The following TMEM50A variants were observed in gnomAD, a reference collection of about 807,000 sequenced individuals.
TMEM50A encodes cervical cancer oncogene 9.
TMEM50A carries 8 observed loss-of-function variants against 23.9 expected under a neutral mutation model. The ratio of observed to expected loss-of-function variants is 0.33; its 90% CI spans 0.20 to 0.60. The LOEUF (loss-of-function observed/expected upper bound fraction) is 0.60, where lower values mean the gene tolerates loss of function less well. Ranked by LOEUF, TMEM50A falls within the 20% of genes least tolerant of loss-of-function variation. The pLI is 0.81. For synonymous variants in TMEM50A, 55 were observed against 60.4 expected (o/e 0.91, Z 0.41); for missense variants, 178 against 192.7 (o/e 0.92, Z 0.45).
chr1:25,351,800 C>T, intron 4 of TMEM50A, 107 bp downstream of exon 4: 1 of 913,730 alleles, frequency 1.1e-6, no homozygotes, highest in Non-Finnish European at 1.6e-6. Flanking sequence ...CTGTGAGTAA[C>T]AGCTTATTAT....
Position 25,360,791 on chromosome 1 carries a change from T to G in TMEM50A, c.*86T>G. On this transcript the variant is annotated 3_prime_UTR_variant, in exon 7 of 7. Coordinates refer to ENST00000374358, the MANE Select transcript of TMEM50A (RefSeq NM_014313.4). ...CACTCCCAACCTTTTGTAATGCCAT[T>G]TTCTAAACTTATTTCTGAGTGTAGT... 2 of 1,416,756 alleles carry G rather than the reference T, an allele frequency of 1.4e-6. No homozygotes were observed. Among genetic ancestry groups the G allele is most frequent in the South Asian group, 1.2e-5 (1 of 83,564 alleles). 87.8% of individuals were successfully genotyped at this position (1,416,756 alleles called of 1,614,324 possible).
chr1:25,353,124 G>A, intron 5 of TMEM50A, 150 bp downstream of exon 5: 1 of 621,524 alleles, frequency 1.6e-6, no homozygotes, highest in South Asian at 2.2e-5. Flanking sequence ...TCCACCGACA[G>A]TGTTTGGTTT....
chr1:25,354,041 G>A (rs567437036), intron 5 of TMEM50A, among the ~76,000 whole-genome samples: 2 of 151,782 alleles, frequency 1.3e-5, no homozygotes, highest in Non-Finnish European at 2.9e-5. Context: ...ACCCAGGCTG[G>A]AATGCAGTGG....
At chr1:25,354,365 C>A (rs1198370016) in intron 5 of TMEM50A, among the ~76,000 whole-genome samples, 1 of 152,136 alleles carries the variant, frequency 6.6e-6, no homozygotes, top group Non-Finnish European at 1.5e-5. Context: ...GTAATCCCAG[C>A]ACTTCAGGAG....
chr1:25,351,747 T>A (rs3093616), intron 4 of TMEM50A, 54 bp downstream of exon 4: 1,455,906 of 1,471,870 alleles, frequency 0.99, 721,280 homozygotes, highest in East Asian at 1. Context: ...TTAAGATGAG[T>A]ATTTCACATG....
intron 3 of TMEM50A, among the ~76,000 whole-genome samples, chr1:25,351,367 G>T (rs185609827): frequency 1.3e-5 from 2 of 152,020 alleles, no homozygotes; most frequent in Admixed American, 1.3e-4. Flanking sequence ...AAATTAGCTG[G>T]GTGTGGTGGT....
intron 4 of TMEM50A, 83 bp downstream of exon 4, chr1:25,351,776 T>G: frequency 8.2e-7 from 1 of 1,223,630 alleles, no homozygotes; most frequent in Non-Finnish European, 1.2e-6. Flanking sequence ...ACTTTTCTAT[T>G]TGTTTTAATA....
chr1:25,352,219 G>A (rs2124254136), intron 4 of TMEM50A, among the ~76,000 whole-genome samples: 1 of 152,260 alleles, frequency 6.6e-6, no homozygotes, highest in South Asian at 2.1e-4. Flanking sequence ...GGAGCGGCCG[G>A]GCACAGTGGC....
chr1:25,353,820 T>C (rs1257727999), intron 5 of TMEM50A, among the ~76,000 whole-genome samples: 2 of 152,218 alleles, frequency 1.3e-5, no homozygotes, highest in East Asian at 3.9e-4. Flanking sequence ...TATTAATGAT[T>C]TATAAAAACT....
rs1047327694 is a variant in TMEM50A at position 25,354,857 on chromosome 1, C to T, written c.367+1883C>T. On this transcript the variant is annotated intron_variant, in intron 5 of 6. Transcript: ENST00000374358. ...TGCGATCTCAGCTCACTGCAACCTC[C>T]GTCTCCCAGGTTCAAGCAATTCTTC... is the stretch of plus-strand genomic sequence containing the variant. 4.6e-5 allele frequency among the ~76,000 whole-genome samples: 7 copies of T among 151,702 alleles called. No individual in the cohort carries two copies. In the South Asian group the frequency reaches 1.2e-3, roughly 27 times the overall value.
intron 5 of TMEM50A, among the ~76,000 whole-genome samples, chr1:25,356,442 A>G (rs899492806): frequency 2.0e-5 from 3 of 152,088 alleles, no homozygotes; most frequent in African/African-American, 7.2e-5. Context: ...ATGTCACACT[A>G]CACTTCTCCA....
chr1:25,359,172 G>A (rs1295641756), intron 6 of TMEM50A, among the ~76,000 whole-genome samples: 3 of 152,134 alleles, frequency 2.0e-5, no homozygotes, highest in Non-Finnish European at 2.9e-5. Flanking sequence ...GCAGGCAGGC[G>A]TCTGCACTCT....
At chr1:25,350,992 T>C (rs987163732) in intron 3 of TMEM50A, among the ~76,000 whole-genome samples, 8 of 151,180 alleles carry the variant, frequency 5.3e-5, no homozygotes, top group African/African-American at 1.9e-4. Flanking sequence ...AAACCCCATC[T>C]CTACTAAAAA....
Position 25,351,656 on chromosome 1 carries a change from AG to A in TMEM50A, c.239del (p.Gly80ValfsTer29). On this transcript the variant is annotated frameshift_variant, in exon 4 of 7. Coordinates refer to ENST00000374358, the MANE Select transcript of TMEM50A (RefSeq NM_014313.4). LOFTEE classifies it high-confidence loss of function. ...ATGCAGTATCGAATGGACAAGTCCG[AG>A]GTGATAGTTACAGTGAAGGTTGTCT... ...INAVSNGQVR[G>X]DSYSEGCLGQ... The A allele has an allele frequency of 6.2e-7, 1 of 1,613,638 alleles. No individual in the cohort carries two copies. Among genetic ancestry groups the A allele is most frequent in the Non-Finnish European group, 8.5e-7 (1 of 1,179,880 alleles).
chr1:25,350,824 A>C (rs890438373), intron 3 of TMEM50A, among the ~76,000 whole-genome samples: 3 of 152,156 alleles, frequency 2.0e-5, no homozygotes. Flanking sequence ...ATAGGTTGCC[A>C]AGTAATGCTG....
intron 1 of TMEM50A, among the ~76,000 whole-genome samples, 188 bp from the exon 2 acceptor site, chr1:25,340,286 C>T (rs961381021): frequency 6.6e-6 from 1 of 152,176 alleles, no homozygotes; most frequent in African/African-American, 2.4e-5. Flanking sequence ...CCAGATATTA[C>T]TTTCCAAAGT....
chr1:25,356,277 C>T (rs975816040), intron 5 of TMEM50A, among the ~76,000 whole-genome samples: 7 of 152,136 alleles, frequency 4.6e-5, no homozygotes, highest in Admixed American at 4.6e-4. Flanking sequence ...TCTTTCTTTA[C>T]CCTGTCCCTG....
chr1:25,351,504 G>GT, intron 3 of TMEM50A, 122 bp from the exon 4 acceptor site: 1 of 679,506 alleles, frequency 1.5e-6, no homozygotes, highest in Non-Finnish European at 2.2e-6. Flanking sequence ...GTGAGACCCT[G>GT]TATCTTTAAA....
intron 3 of TMEM50A, among the ~76,000 whole-genome samples, chr1:25,343,964 C>G (rs1306052300): frequency 6.6e-6 from 1 of 152,126 alleles, no homozygotes; most frequent in Non-Finnish European, 1.5e-5. Context: ...ACTTTACTTT[C>G]AGCTGGATGC....
Sources: allele counts gnomAD v4.1 joint callset (sites outside exome capture counted in the v4.1 genomes callset), GRCh38; gene constraint gnomAD v4.1.1; transcripts MANE v1.5; gene names NCBI Gene and HGNC (gene_info 2026-07-23, HGNC 2026-07-21).